Variants in AMBRA1 observed in about 807,000 individuals in gnomAD.
The protein encoded by AMBRA1 is autophagy and beclin 1 regulator 1, also known as activating molecule in BECN1-regulated autophagy protein 1.
Under a neutral mutation model 125.4 loss-of-function variants are expected in AMBRA1, and 47 were observed. That is an observed-to-expected ratio of 0.37 (90% CI 0.30 to 0.48). The LOEUF is 0.48. AMBRA1 is among the 20% of genes least tolerant of loss of function. The pLI is 0.99. For missense variants in AMBRA1, 1,331 were observed against 1,693.4 expected (o/e 0.79, Z 3.76); for synonymous variants, 626 against 655.5 (o/e 0.95, Z 0.69).
chr11:46,440,037 C>A (rs989189981), intron 12 of AMBRA1, among the ~76,000 whole-genome samples: 2 of 152,044 alleles, frequency 1.3e-5, no homozygotes, highest in African/African-American at 4.8e-5. Context: ...TTGGCACGAG[C>A]TGTATAGAGT....
At chr11:46,463,652 T>C (rs979066952) in intron 11 of AMBRA1, among the ~76,000 whole-genome samples, 2 of 152,174 alleles carry the variant, frequency 1.3e-5, no homozygotes, top group Non-Finnish European at 2.9e-5. Context: ...CACTCAATCG[T>C]CAGAATGGCA....
intron 11 of AMBRA1, chr11:46,491,541 C>G (rs377685001): frequency 6.6e-6 from 1 of 152,168 alleles, no homozygotes; most frequent in Non-Finnish European, 1.5e-5. Context: ...AATGATACAA[C>G]TGCCAATAGA....
At chr11:46,556,420 C>T (rs1175286586) in intron 1 of AMBRA1, among the ~76,000 whole-genome samples, 2 of 152,108 alleles carry the variant, frequency 1.3e-5, no homozygotes, top group African/African-American at 4.8e-5. Context: ...GGCAAACACA[C>T]CTAGAAGCAG....
chr11:46,447,964 A>G (rs530319512), intron 11 of AMBRA1, among the ~76,000 whole-genome samples: 100 of 152,302 alleles, frequency 6.6e-4, no homozygotes, highest in African/African-American at 2.3e-3. Context: ...CTTTAAAGTT[A>G]TATCTGTCAT....
chr11:46,526,763 C>T (rs187958487), intron 7 of AMBRA1, among the ~76,000 whole-genome samples: 174 of 152,166 alleles, frequency 1.1e-3, no homozygotes, highest in Non-Finnish European at 6.2e-4. Context: ...ATAACTGAAT[C>T]GGTTTTAAGT....
chr11:46,485,835 T>C (rs146652815), intron 11 of AMBRA1, among the ~76,000 whole-genome samples: 65 of 152,320 alleles, frequency 4.3e-4, no homozygotes, highest in African/African-American at 1.5e-3. Context: ...GCACAGGCAA[T>C]TCAGCTTAGA....
chr11:46,536,022 C>T (rs542956756), intron 7 of AMBRA1, among the ~76,000 whole-genome samples: 40 of 152,216 alleles, frequency 2.6e-4, no homozygotes, highest in African/African-American at 9.1e-4. Flanking sequence ...TAAGTAATAC[C>T]GTTTCATTTA....
At chr11:46,483,735 A>G (rs548052590) in intron 11 of AMBRA1, among the ~76,000 whole-genome samples, 1 of 152,272 alleles carries the variant, frequency 6.6e-6, no homozygotes, top group East Asian at 1.9e-4. Context: ...CCCCATCTCT[A>G]CTACAAATAC....
chr11:46,524,860 C>T (rs1311019086), intron 7 of AMBRA1, among the ~76,000 whole-genome samples: 1 of 152,242 alleles, frequency 6.6e-6, no homozygotes, highest in Admixed American at 6.5e-5. Context: ...GGTACCTGAG[C>T]CGTGAGAATC....
intron 1 of AMBRA1, chr11:46,591,110 C>A (rs2044580181): frequency 6.6e-6 from 1 of 152,130 alleles, no homozygotes; most frequent in Admixed American, 6.6e-5. Context: ...CCTAAGATTG[C>A]TTCATGACAC....
At chr11:46,440,352 T>C (rs1198839356) in intron 12 of AMBRA1, among the ~76,000 whole-genome samples, 1 of 152,132 alleles carries the variant, frequency 6.6e-6, no homozygotes, top group Non-Finnish European at 1.5e-5. Context: ...ATGCTACCAT[T>C]TGGGTTAAAT....
At position 46,397,892 on chromosome 11, in the gene AMBRA1, T is replaced by C. The variant is rs1945534736; in HGVS notation, c.3455A>G (p.Gln1152Arg). The change falls in exon 18 of 18, where the codon CAG becomes CGG. Residue 1152 changes from glutamine (Q) to arginine (R), a missense_variant. By Grantham distance (43) the Gln-to-Arg change is conservative. Coordinates refer to ENST00000683756, the MANE Select transcript of AMBRA1 (RefSeq NM_001387011.1). ...CATGCCGCCCTCCGCCATCAGCCTC[T>C]GGATCCTGCTGAGCGCATCTTCTCC... is the stretch of plus-strand genomic sequence containing the variant. ...ASGEDALSRI[Q>R]RLMAEGGMTA... is the part of the protein sequence containing the mutation. 1 of 1,599,694 alleles carries C rather than the reference T, an allele frequency of 6.3e-7. No homozygotes were observed. Among genetic ancestry groups the C allele is most frequent in the Non-Finnish European group, 8.5e-7 (1 of 1,179,836 alleles).
At chr11:46,441,374 T>TGG (rs568415126) in intron 12 of AMBRA1, among the ~76,000 whole-genome samples, 1,588 of 151,548 alleles carry the variant, frequency 0.01, 26 homozygotes, top group African/African-American at 0.036. Context: ...ATTAGCTGGG[T>TGG]GTGGTGGCGT....
intron 11 of AMBRA1, among the ~76,000 whole-genome samples, chr11:46,476,429 C>T (rs895320640): frequency 2.6e-5 from 4 of 152,210 alleles, no homozygotes; most frequent in South Asian, 2.1e-4. Flanking sequence ...TGGGGAGATA[C>T]GTAAAGAGTC....
At chr11:46,480,859 A>G (rs530207198) in intron 11 of AMBRA1, among the ~76,000 whole-genome samples, 2 of 152,144 alleles carry the variant, frequency 1.3e-5, no homozygotes, top group Non-Finnish European at 2.9e-5. Flanking sequence ...CCATCCAACT[A>G]TCTCTCCTTT....
At chr11:46,579,838 G>A (rs779462010) in intron 1 of AMBRA1, among the ~76,000 whole-genome samples, 25 of 152,066 alleles carry the variant, frequency 1.6e-4, no homozygotes, top group Non-Finnish European at 3.5e-4. Context: ...TCAGCCTCCT[G>A]AGGAGCTGGG....
In AMBRA1 at chr11:46,542,681, T is replaced by G. The variant is rs574179980; in HGVS notation, c.1336A>C (p.Ser446Arg). The change falls in exon 7 of 18, where the codon AGT (serine) becomes CGT (arginine). Residue 446 changes from serine (S) to arginine (R), a missense_variant. Transcript: ENST00000683756. The surrounding 1 kb of genome is among the most constrained non-coding windows in gnomAD (Gnocchi z 5.9). ...TGCTGTCTCAGCACAGACAGCAAAC[T>G]CACCGAAGAGGCACTGGTTCTGGGC... ...PPPRTSASSV[S>R]LLSVLRQQEG... 6.2e-7 allele frequency: 1 copy of G among 1,614,150 alleles called. No individual in the cohort carries two copies. The highest frequency in any genetic ancestry group is 1.7e-5 in the Admixed American group (1 of 60,018).
intron 12 of AMBRA1, among the ~76,000 whole-genome samples, chr11:46,439,136 T>C (rs1473229787): frequency 6.6e-6 from 1 of 151,822 alleles, no homozygotes; most frequent in African/African-American, 2.4e-5. Context: ...CAGCCAGATA[T>C]GGTGGCATGT....
chr11:46,545,170 G>A (rs1234038635), intron 5 of AMBRA1, among the ~76,000 whole-genome samples: 1 of 142,606 alleles, frequency 7.0e-6, no homozygotes, highest in African/African-American at 2.6e-5. Flanking sequence ...CCGGGGGGGG[G>A]GGGGTGGTGG....
Sources: gnomAD v4.1 joint callset for allele counts (sites outside exome capture counted in the v4.1 genomes callset) on GRCh38, gnomAD v4.1.1 for gene constraint, Gnocchi (gnomAD v3.1) non-coding constraint, MANE v1.5 for transcripts, NCBI Gene and HGNC (gene_info 2026-07-23, HGNC 2026-07-21) for gene names.